ANO2: variants seen among roughly 807,000 people sequenced by gnomAD.
ANO2 encodes anoctamin-2.
In ANO2, 101 loss-of-function variants were observed where a neutral mutation model predicts 124.2. The observed-to-expected ratio is 0.81, with a 90% CI of 0.69 to 0.96. The LOEUF (loss-of-function observed/expected upper bound fraction) is 0.96, where lower values mean the gene tolerates loss of function less well. ANO2 is among the 40% of genes least tolerant of loss of function. The pLI, the probability that ANO2 is intolerant of heterozygous loss-of-function variation, is 0.00. For synonymous variants in ANO2, 486 were observed against 482.5 expected (o/e 1.01, Z -0.09); for missense variants, 1,293 against 1,274.5 (o/e 1.01, Z -0.22).
Position 5,806,033 on chromosome 12 carries a change from C to G in ANO2, c.990+19G>C. 1 of 1,613,002 alleles carries G rather than the reference C, an allele frequency of 6.2e-7. No homozygotes were observed. Among genetic ancestry groups the G allele is most frequent in the Non-Finnish European group, 8.5e-7 (1 of 1,179,374 alleles). On this transcript the variant is annotated intron_variant, in intron 9 of 24. Transcript: ENST00000682330. ...TCTCGCATGCCCAAAGTCCAGGATGCTGCACGAGGCAGGCTTACCTTCCTG... is the reference window on the plus strand; with the variant it reads ...TCTCGCATGCCCAAAGTCCAGGATGGTGCACGAGGCAGGCTTACCTTCCTG...
chr12:5,626,464 G>T (rs2136925276), intron 16 of ANO2, among the ~76,000 whole-genome samples: 1 of 152,286 alleles, frequency 6.6e-6, no homozygotes, highest in Admixed American at 6.5e-5. Context: ...GGCCACCTCA[G>T]CCGCAGTCCA....
At position 5,900,180 on chromosome 12, in the gene ANO2, C is replaced by T. The variant is rs1423722127; in HGVS notation, c.534+20860G>A. On this transcript the variant is annotated intron_variant, in intron 3 of 24. Transcript: ENST00000682330. The surrounding 1 kb of genome is among the most constrained non-coding windows in gnomAD (Gnocchi z 4.2). ...CAACCCACATCACAGCCCTGGATTT[C>T]AATGTAATCACGGACAACCAAGAGC... Among the ~76,000 whole-genome samples, 2 of 152,144 alleles carry T rather than the reference C, an allele frequency of 1.3e-5. No homozygotes were observed. Among genetic ancestry groups the T allele is most frequent in the African/African-American group, 4.8e-5 (2 of 41,410 alleles).
chr12:5,884,166 C>T (rs1768156332), intron 3 of ANO2, among the ~76,000 whole-genome samples: 1 of 152,194 alleles, frequency 6.6e-6, no homozygotes, highest in Non-Finnish European at 1.5e-5. Context: ...TCTCACCAGT[C>T]AAGGTGCAAG....
chr12:5,797,923 C>T (rs910496036), intron 10 of ANO2, among the ~76,000 whole-genome samples: 7 of 152,214 alleles, frequency 4.6e-5, no homozygotes, highest in African/African-American at 1.7e-4. Flanking sequence ...CAATACTTCC[C>T]CTGCAGGTGA....
intron 3 of ANO2, among the ~76,000 whole-genome samples, chr12:5,863,031 CTT>C (rs1314668442): frequency 6.6e-6 from 1 of 152,130 alleles, no homozygotes; most frequent in Non-Finnish European, 1.5e-5. Context: ...TCAATTCTCT[CTT>C]GTCTGCTGCC....
intron 3 of ANO2, among the ~76,000 whole-genome samples, chr12:5,886,376 C>T (rs1938906101): frequency 6.6e-6 from 1 of 152,148 alleles, no homozygotes; most frequent in South Asian, 2.1e-4. Flanking sequence ...AGTAGTCAGA[C>T]TCATAGAAGC....
chr12:5,870,235 C>G (rs190524308), intron 3 of ANO2: 1 of 152,378 alleles, frequency 6.6e-6, no homozygotes, highest in East Asian at 1.9e-4. Flanking sequence ...GGACTCTGAC[C>G]ATTCTGAGAG....
intron 10 of ANO2, among the ~76,000 whole-genome samples, chr12:5,754,421 C>T (rs1472249688): frequency 6.6e-6 from 1 of 152,138 alleles, no homozygotes; most frequent in African/African-American, 2.4e-5. Flanking sequence ...CAGGGTGGTG[C>T]TTGCCTCAGG....
At chr12:5,630,018 T>C (rs1945630723) in intron 16 of ANO2, among the ~76,000 whole-genome samples, 1 of 152,206 alleles carries the variant, frequency 6.6e-6, no homozygotes, top group African/African-American at 2.4e-5. Flanking sequence ...TTAACAAATC[T>C]TGCCTTCTGT....
intron 3 of ANO2, among the ~76,000 whole-genome samples, chr12:5,905,971 G>A (rs1476598618): frequency 6.6e-6 from 1 of 152,074 alleles, no homozygotes; most frequent in East Asian, 1.9e-4. Flanking sequence ...TCTCTCTTCG[G>A]GCGTCTCCTC....
At chr12:5,610,880 C>T (rs1279696860) in intron 19 of ANO2, among the ~76,000 whole-genome samples, 1 of 144,380 alleles carries the variant, frequency 6.9e-6, no homozygotes, top group Non-Finnish European at 1.5e-5. Context: ...GAAATTATTT[C>T]TATAAAGAAA....
chr12:5,739,522 A>C, intron 12 of ANO2, 123 bp from the exon 13 acceptor site: 1 of 730,678 alleles, frequency 1.4e-6, no homozygotes, highest in Non-Finnish European at 2.2e-6. Flanking sequence ...TCTTTAATGC[A>C]TTTAGCCTCT....
intron 10 of ANO2, among the ~76,000 whole-genome samples, chr12:5,796,151 TCA>T (rs1232880624): frequency 3.5e-5 from 5 of 140,868 alleles, no homozygotes; most frequent in Admixed American, 1.4e-4. Context: ...ACACACACAG[TCA>T]CACAATCGCT....
At chr12:5,686,278 C>G (rs1397363753) in intron 14 of ANO2, among the ~76,000 whole-genome samples, 1 of 152,224 alleles carries the variant, frequency 6.6e-6, no homozygotes, top group Non-Finnish European at 1.5e-5. Context: ...TCATCAGCAT[C>G]TTTCTTTAAC....
intron 11 of ANO2, among the ~76,000 whole-genome samples, chr12:5,746,021 GC>G (rs1202395506): frequency 6.6e-6 from 1 of 152,152 alleles, no homozygotes; most frequent in Non-Finnish European, 1.5e-5. Flanking sequence ...AAAGACGTTC[GC>G]TTTTAAGTCA....
intron 1 of ANO2, among the ~76,000 whole-genome samples, chr12:5,940,747 TC>T (rs1372740664): frequency 6.6e-6 from 1 of 152,204 alleles, no homozygotes; most frequent in Non-Finnish European, 1.5e-5. Context: ...GCAATTCTTC[TC>T]CTAGGTATAT....
At chr12:5,793,694 G>A (rs1025477454) in intron 10 of ANO2, among the ~76,000 whole-genome samples, 1 of 152,220 alleles carries the variant, frequency 6.6e-6, no homozygotes, top group Non-Finnish European at 1.5e-5. Flanking sequence ...AGACAGGAAG[G>A]AGGATGAAAA....
At chr12:5,844,786 G>A (rs1317980488) in intron 4 of ANO2, among the ~76,000 whole-genome samples, 9 of 151,950 alleles carry the variant, frequency 5.9e-5, no homozygotes, top group South Asian at 2.1e-4. Context: ...ATATTCATAG[G>A]TGTTCAAGTG....
chr12:5,914,520 C>G (rs7306590), intron 3 of ANO2, among the ~76,000 whole-genome samples: 146,392 of 152,210 alleles, frequency 0.96, 70,438 homozygotes, highest in East Asian at 0.99. Flanking sequence ...TGTGGGCCCC[C>G]AGACTTCCCT....
Sources: allele counts gnomAD v4.1 joint callset (sites outside exome capture counted in the v4.1 genomes callset), GRCh38; gene constraint gnomAD v4.1.1; non-coding constraint Gnocchi (gnomAD v3.1); transcripts MANE v1.5; gene names NCBI Gene and HGNC (gene_info 2026-07-23, HGNC 2026-07-21).